Variants in PCNT observed in about 807,000 individuals in gnomAD.
PCNT encodes kendrin.
A neutral mutation model predicts 380.4 loss-of-function variants in PCNT; 319 were observed. The ratio of observed to expected loss-of-function variants is 0.84; its 90% confidence interval spans 0.77 to 0.92. The LOEUF (loss-of-function observed/expected upper bound fraction) is 0.92. Ranked by LOEUF, PCNT falls within the 40% of genes least tolerant of loss-of-function variation. The pLI is 0.00. For missense variants in PCNT, 4,400 were observed against 4,255.3 expected (o/e 1.03, Z -0.95); for synonymous variants, 1,845 against 1,735.2 (o/e 1.06, Z -1.57).
chr21:46,402,603 C>G (rs2086465917), intron 27 of PCNT, 120 bp downstream of exon 27: 1 of 1,043,336 alleles, frequency 9.6e-7, no homozygotes, highest in Non-Finnish European at 1.5e-6. Flanking sequence ...CCGTGGCCCC[C>G]ATGTGGCAGA....
chr21:46,386,581 C>T (rs1357331259), intron 17 of PCNT, among the ~76,000 whole-genome samples: 2 of 152,244 alleles, frequency 1.3e-5, no homozygotes. Context: ...GTGGGGCCGC[C>T]TTCCCTGAAC....
chr21:46,389,064 C>G (rs2085941703), intron 18 of PCNT, 135 bp from the exon 19 acceptor site: 2 of 1,268,418 alleles, frequency 1.6e-6, no homozygotes, highest in Middle Eastern at 4.9e-4. Context: ...TTTGTCAGCT[C>G]CCGTGGACGT....
At chr21:46,363,118 G>A (rs924133951) in intron 13 of PCNT, among the ~76,000 whole-genome samples, 2 of 152,194 alleles carry the variant, frequency 1.3e-5, no homozygotes, top group Non-Finnish European at 2.9e-5. Context: ...AGAGGCCTGC[G>A]GCCGATCTGA....
intron 27 of PCNT, among the ~76,000 whole-genome samples, chr21:46,404,908 C>T (rs2086579276): frequency 6.6e-6 from 1 of 151,942 alleles, no homozygotes; most frequent in Admixed American, 6.6e-5. Flanking sequence ...GCACTCCAGC[C>T]TGGGCAACAA....
intron 30 of PCNT, among the ~76,000 whole-genome samples, chr21:46,417,377 A>G (rs1181811580): frequency 6.6e-6 from 1 of 151,692 alleles, no homozygotes; most frequent in Admixed American, 6.6e-5. Context: ...GTAGTTTAGT[A>G]GAGACGGGGT....
Position 46,416,759 on chromosome 21 carries a change from G to A in PCNT, c.6841G>A (p.Gly2281Ser), listed in dbSNP as rs951588523. 6.2e-7 allele frequency: 1 copy of A among 1,604,420 alleles called. No individual in the cohort carries two copies. Among genetic ancestry groups the A allele is most frequent in the African/African-American group, 1.3e-5 (1 of 74,976 alleles). ...TQGPGLLCSPGVSAAALALQW... is the reference protein window; with the variant it reads ...TQGPGLLCSPSVSAAALALQW... ...GGGGCCGGGGCTGCTTTGTTCCCCAGGCGTGTCTGCAGCAGCGCTGGCACT... is the reference window on the plus strand; with the variant it reads ...GGGGCCGGGGCTGCTTTGTTCCCCAAGCGTGTCTGCAGCAGCGCTGGCACT... Residue 2281 changes from glycine (G) to serine (S), a missense_variant, in exon 30 of 47, where the codon GGC (glycine) becomes AGC (serine). Transcript: ENST00000359568.
intron 25 of PCNT, among the ~76,000 whole-genome samples, chr21:46,400,512 C>CTTTT (rs1215264897): frequency 9.5e-5 from 8 of 84,538 alleles, no homozygotes; most frequent in East Asian, 3.7e-4. Context: ...GTGTCTGATT[C>CTTTT]TTTTTTTTTT....
At position 46,384,740 on chromosome 21, in the gene PCNT, G is replaced by A. The variant is rs574081276; in HGVS notation, c.3313-1092G>A. On this transcript the variant is annotated intron_variant, in intron 16 of 46. Coordinates refer to ENST00000359568, the MANE Select transcript of PCNT (RefSeq NM_006031.6). The stretch of plus-strand genomic sequence containing the variant: ...CGGAAACACATTCATGGTGTTGTGC[G>A]TTGAGCGGCGGAAGCGCATTCACGG... Among the ~76,000 whole-genome samples the A allele has an allele frequency of 4.6e-4, 63 of 137,150 alleles. 1 individual carries two copies. Among genetic ancestry groups the A allele is most frequent in the South Asian group, 3.0e-3 (13 of 4,366 alleles). 90.0% of individuals were successfully genotyped at this position (137,150 alleles called of 152,430 possible). A position where few individuals can be genotyped will look rare whatever the true frequency, so the allele number is the denominator to read the frequency against.
intron 6 of PCNT, 64 bp downstream of exon 6, chr21:46,347,576 C>A: frequency 6.9e-7 from 1 of 1,451,412 alleles, no homozygotes; most frequent in South Asian, 1.1e-5. Context: ...CTCGCCAGGT[C>A]CCATGAGAAC....
chr21:46,416,566 C>G lies in PCNT; in HGVS notation c.6648C>G (p.Val2216=). The G allele has an allele frequency of 1.2e-6, 2 of 1,611,952 alleles. No homozygotes were observed. Residue 2216 remains valine (V), a synonymous_variant, in exon 30 of 47, where the codon GTC becomes GTG. Coordinates refer to ENST00000359568, the MANE Select transcript of PCNT (RefSeq NM_006031.6). ...TAEAGPRKSP[V]GMLDLSSWSS... The stretch of plus-strand genomic sequence containing the variant: ...AGGCTGGGCCCCGGAAGAGCCCGGT[C>G]GGGATGCTGGACCTGTCTTCCTGGA...
Position 46,326,420 on chromosome 21 carries a change from A to T in PCNT, c.98A>T (p.His33Leu). The change falls in exon 2 of 47, where the codon CAT becomes CTT. Residue 33 changes from histidine to leucine, a missense_variant. His to Leu is a moderately conservative substitution (Grantham distance 99, BLOSUM62 -3). Transcript: ENST00000359568. ...AGAAAAACAAAAGGTGACAGTTCGC[A>T]TTCGGAGAAAAAGACGGCGAAGAGG... ...RQRKTKGDSSHSEKKTAKRKG... is the reference protein window; with the variant it reads ...RQRKTKGDSSLSEKKTAKRKG... The T allele has an allele frequency of 6.2e-7, 1 of 1,614,240 alleles. No individual in the cohort carries two copies. Among genetic ancestry groups the T allele is most frequent in the Non-Finnish European group, 8.5e-7 (1 of 1,180,048 alleles).
chr21:46,413,798 C>A (rs1006672499), intron 29 of PCNT, among the ~76,000 whole-genome samples: 1 of 152,086 alleles, frequency 6.6e-6, no homozygotes, highest in South Asian at 2.1e-4. Flanking sequence ...ACTTCTTTTC[C>A]CCGGGGAAGG....
intron 15 of PCNT, among the ~76,000 whole-genome samples, chr21:46,372,151 A>G (rs1002118181): frequency 6.6e-5 from 10 of 150,378 alleles, no homozygotes; most frequent in African/African-American, 2.5e-4. Flanking sequence ...ACATGTGCCC[A>G]TACAAGGCAC....
chr21:46,343,397 A>G (rs902409437), intron 3 of PCNT, among the ~76,000 whole-genome samples: 4 of 151,804 alleles, frequency 2.6e-5, no homozygotes, highest in African/African-American at 9.7e-5. Context: ...TGATCATATG[A>G]TTTTTCTTTT....
intron 27 of PCNT, among the ~76,000 whole-genome samples, chr21:46,410,512 T>C (rs2086751537): frequency 6.6e-6 from 1 of 152,278 alleles, no homozygotes; most frequent in African/African-American, 2.4e-5. Flanking sequence ...TGGAGCTATA[T>C]TGACATACAT....
Position 46,397,258 on chromosome 21 carries a change from T to C in PCNT, c.4217-7T>C. ...TGTCCCCGTGTCTGTCCTGTTTGCA[T>C]CCTTAGCTCTCCGGAAGGAAGTGGA... is the stretch of plus-strand genomic sequence containing the variant. On this transcript the variant is annotated splice_polypyrimidine_tract_variant and splice_region_variant and intron_variant, in intron 21 of 46. Transcript: ENST00000359568. 6.2e-7 allele frequency: 1 copy of C among 1,612,844 alleles called. No homozygotes were observed. The highest frequency in any genetic ancestry group is 8.5e-7 in the Non-Finnish European group (1 of 1,178,858).
intron 15 of PCNT, among the ~76,000 whole-genome samples, chr21:46,376,504 A>G (rs1476464000): frequency 6.6e-6 from 1 of 152,212 alleles, no homozygotes; most frequent in Non-Finnish European, 1.5e-5. Flanking sequence ...GAGCCCGTCC[A>G]CTGTGTCTGA....
In PCNT at chr21:46,328,775, A is replaced by C. The variant is rs571894531; in HGVS notation, c.267+2186A>C. On this transcript the variant is annotated intron_variant, in intron 2 of 46. Coordinates refer to ENST00000359568, the MANE Select transcript of PCNT (RefSeq NM_006031.6). ...TGCACCCGGCCCTCTGGTTGCACAT[A>C]CTTTTTTTTTTTCTTTAAGGCGAAG... Among the ~76,000 whole-genome samples the C allele has an allele frequency of 3.5e-5, 5 of 141,112 alleles. No individual in the cohort carries two copies. The East Asian group carries it at 1.1e-3, about 30-fold the overall frequency. The allele number at this position is 141,112 out of a possible 152,430, so 92.6% of individuals were successfully genotyped here. A position where few individuals can be genotyped will look rare whatever the true frequency, so the allele number is the denominator to read the frequency against.
rs1227149181 is a variant in PCNT, at chr21:46,353,139, G to A, written c.1492G>A (p.Val498Met). 2 of 1,614,076 alleles carry A rather than the reference G, an allele frequency of 1.2e-6. No homozygotes were observed. The highest frequency in any genetic ancestry group is 1.1e-5 in the South Asian group (1 of 91,080). Residue 498 changes from valine (V) to methionine (M), a missense_variant, in exon 10 of 47, where the codon GTG becomes ATG. Transcript: ENST00000359568. ...HEQLLARTSR[V>M]EDLEQLKQRE... ...GCAACTCCTGGCGCGCACCTCTCGT[G>A]TGGAAGATTTAGAACAGCTGAAGCA...
Sources: allele counts gnomAD v4.1 joint callset (sites outside exome capture counted in the v4.1 genomes callset), GRCh38; gene constraint gnomAD v4.1.1; transcripts MANE v1.5; gene names NCBI Gene and HGNC (gene_info 2026-07-23, HGNC 2026-07-21).